BTAF1: variants seen among roughly 807,000 people sequenced by gnomAD.
The protein encoded by BTAF1 is B-TFIID TATA-box binding protein associated factor 1.
BTAF1 carries 38 observed loss-of-function variants against 227.1 expected under a neutral mutation model. The observed-to-expected ratio is 0.17, with a 90% CI of 0.13 to 0.22. BTAF1 has a LOEUF of 0.22. Among genes scored for constraint, BTAF1 ranks in the 10% least tolerant of loss-of-function variants. BTAF1 has a pLI of 1.00. For missense variants in BTAF1, 1,598 were observed against 2,204.0 expected, an observed-to-expected ratio of 0.73 and a Z score of 5.51; for synonymous variants, 742 against 751.9, an observed-to-expected ratio of 0.99 and a Z score of 0.21.
chr10:91,945,884 A>G (rs969634458), intron 4 of BTAF1, among the ~76,000 whole-genome samples: 2 of 152,156 alleles, frequency 1.3e-5, no homozygotes, highest in African/African-American at 4.8e-5. Flanking sequence ...CAGCTGCATC[A>G]TTTTACATTT....
At chr10:92,027,437 C>T in intron 37 of BTAF1, 137 bp downstream of exon 37, 1 of 747,408 alleles carries the variant, frequency 1.3e-6, no homozygotes, top group Non-Finnish European at 2.1e-6. Flanking sequence ...TTTTTGGTGC[C>T]TAGATAAATT....
rs1554860585 is a variant in BTAF1, at chr10:91,991,838, C to CACACACAT, written c.2855-280_2855-279insCACACATA. Reference sequence around the variant, plus strand: ...ATATATATATATATATATATACACACATATATACACACACAAACACATTAA... The same window carrying CACACACAT: ...ATATATATATATATATATATACACACACACACATATATATACACACACAAACACATTAA... On this transcript the variant is annotated intron_variant, in intron 20 of 37. Transcript: ENST00000265990. Among the ~76,000 whole-genome samples, 600 of 145,902 alleles carry CACACACAT rather than the reference C, an allele frequency of 4.1e-3. 4 individuals carry two copies. Among genetic ancestry groups the CACACACAT allele is most frequent in the African/African-American group, 0.015 (566 of 38,772 alleles).
chr10:91,939,865 TAAC>T lies in BTAF1; in HGVS notation c.139-84_139-82del, dbSNP rs1156943749. 4 of 765,970 alleles carry T rather than the reference TAAC, an allele frequency of 5.2e-6. No individual in the cohort carries two copies. In the Admixed American group the frequency reaches 7.3e-5, roughly 14 times the overall value. The allele number at this position is 765,970 out of a possible 1,614,324, so 47.4% of individuals were successfully genotyped here. ...GGATGGCTGCCAAATTACACATTAATAACAAGTAAATTTGTATTTCTCTGTTCT... is the reference window on the plus strand; with the variant it reads ...GGATGGCTGCCAAATTACACATTAATAAGTAAATTTGTATTTCTCTGTTCT... On this transcript the variant is annotated intron_variant, in intron 2 of 37. Coordinates refer to ENST00000265990, the MANE Select transcript of BTAF1 (RefSeq NM_003972.3).
chr10:91,993,900 A>G, intron 22 of BTAF1, 53 bp downstream of exon 22: 1 of 1,372,126 alleles, frequency 7.3e-7, no homozygotes, highest in Non-Finnish European at 9.8e-7. Context: ...ATGTCTATTA[A>G]TTGAATATAT....
At position 92,009,021 on chromosome 10, in the gene BTAF1, T is replaced by C; in HGVS notation, c.3936-20T>C. The C allele has an allele frequency of 6.2e-7, 1 of 1,612,732 alleles. No homozygotes were observed. The highest frequency in any genetic ancestry group is 8.5e-7 in the Non-Finnish European group (1 of 1,179,034). Reference sequence around the variant, plus strand: ...AATGTAAACAAGCTGGTTAATTTATTGTGTTTTGCTATTGTAAAGGGCCCA... The same window carrying C: ...AATGTAAACAAGCTGGTTAATTTATCGTGTTTTGCTATTGTAAAGGGCCCA... On this transcript the variant is annotated intron_variant, in intron 27 of 37. Transcript: ENST00000265990.
At chr10:91,935,600 A>G in intron 1 of BTAF1, 57 bp from the exon 2 acceptor site, 1 of 1,587,764 alleles carries the variant, frequency 6.3e-7, no homozygotes, top group Non-Finnish European at 8.6e-7. Context: ...ATTGACTTAA[A>G]CTTGTACATA....
intron 20 of BTAF1, among the ~76,000 whole-genome samples, chr10:91,991,286 A>T (rs1321719234): frequency 2.3e-5 from 3 of 131,012 alleles, no homozygotes; most frequent in Non-Finnish European, 5.0e-5. Flanking sequence ...ATATATATAT[A>T]TATATAAATT....
Position 91,924,029 on chromosome 10 carries a change from TGCGCGGCG to T in BTAF1, c.-47_-40del. On this transcript the variant is annotated 5_prime_UTR_variant, in exon 1 of 38. It removes the in-frame stop codon of an upstream open reading frame in the 5' UTR. Coordinates refer to ENST00000265990, the MANE Select transcript of BTAF1 (RefSeq NM_003972.3). ...GCTCTCTGGAAACTAGCGCCTCAGC[TGCGCGGCG>T]CGTAGGTCGCGGGGAGCTCCGAACC... The T allele has an allele frequency of 6.3e-7, 1 of 1,596,358 alleles. No individual in the cohort carries two copies. Among genetic ancestry groups the T allele is most frequent in the Non-Finnish European group, 8.5e-7 (1 of 1,173,888 alleles).
chr10:92,008,375 G>GA, intron 26 of BTAF1, 100 bp downstream of exon 26: 1 of 1,172,008 alleles, frequency 8.5e-7, no homozygotes, highest in South Asian at 1.7e-5. Flanking sequence ...ACAGAGTCTT[G>GA]CTCTGTTGCC....
At chr10:91,956,963 C>T (rs1458729427) in intron 7 of BTAF1, among the ~76,000 whole-genome samples, 3 of 151,948 alleles carry the variant, frequency 2.0e-5, no homozygotes, top group African/African-American at 7.3e-5. Context: ...GCACTCTAGC[C>T]TGGCCTACAG....
At chr10:91,935,885 T>G in intron 2 of BTAF1, 105 bp downstream of exon 2, 1 of 1,173,422 alleles carries the variant, frequency 8.5e-7, no homozygotes, top group South Asian at 2.3e-5. Context: ...TTAAACATTT[T>G]TGCTATTTCT....
chr10:91,956,340 T>C (rs1405657052), intron 6 of BTAF1, among the ~76,000 whole-genome samples, 188 bp from the exon 7 acceptor site: 1 of 152,220 alleles, frequency 6.6e-6, no homozygotes, highest in Non-Finnish European at 1.5e-5. Flanking sequence ...CAAAAAATTT[T>C]AAGCAGTTAG....
intron 14 of BTAF1, among the ~76,000 whole-genome samples, chr10:91,973,424 ATAAT>A (rs1475259807): frequency 2.0e-5 from 3 of 152,224 alleles, no homozygotes; most frequent in African/African-American, 2.4e-5. Flanking sequence ...TACTAAAAGA[ATAAT>A]TAGTAGTTCC....
chr10:91,932,336 T>C (rs1303954871), intron 1 of BTAF1, among the ~76,000 whole-genome samples: 1 of 152,198 alleles, frequency 6.6e-6, no homozygotes, highest in Non-Finnish European at 1.5e-5. Context: ...TACTGAAACA[T>C]TACATTACCA....
intron 33 of BTAF1, among the ~76,000 whole-genome samples, chr10:92,017,022 C>A (rs1429188112): frequency 6.6e-6 from 1 of 151,830 alleles, no homozygotes; most frequent in Non-Finnish European, 1.5e-5. Context: ...CTTTTTTATT[C>A]AAAAAATATT....
intron 32 of BTAF1, among the ~76,000 whole-genome samples, chr10:92,016,007 C>A (rs1850695580): frequency 6.6e-6 from 1 of 151,946 alleles, no homozygotes; most frequent in African/African-American, 2.4e-5. Flanking sequence ...TTTTTTAAGA[C>A]TCAATTTTTC....
chr10:91,984,988 A>AT lies in BTAF1; in HGVS notation c.2427+593dup, dbSNP rs201127398. On this transcript the variant is annotated intron_variant, in intron 19 of 37. Coordinates refer to ENST00000265990, the MANE Select transcript of BTAF1 (RefSeq NM_003972.3). ...ATTAACTAAAATTCAGTATTTGTTTATTTTTTTTTGCTGTTCTGAGGAAAA... is the reference window on the plus strand; with the variant it reads ...ATTAACTAAAATTCAGTATTTGTTTATTTTTTTTTTGCTGTTCTGAGGAAAA... Among the ~76,000 whole-genome samples the AT allele has an allele frequency of 1.1e-3, 167 of 150,904 alleles. 2 individuals carry two copies. In the East Asian group the frequency reaches 0.014, roughly 13 times the overall value.
rs557870271 is a variant in BTAF1, at chr10:91,943,516, C to G, written c.400+948C>G. On this transcript the variant is annotated intron_variant, in intron 4 of 37. Transcript: ENST00000265990. ...AACAAAACAGAATAACACTCTGTTG[C>G]TAATTAATCGTCATTTAGAGGCTTA... Among the ~76,000 whole-genome samples the G allele has an allele frequency of 2.0e-5, 3 of 152,168 alleles. No homozygotes were observed. In the South Asian group the frequency reaches 6.2e-4, roughly 32 times the overall value.
intron 6 of BTAF1, 152 bp from the exon 7 acceptor site, chr10:91,956,376 A>G: frequency 2.0e-6 from 2 of 1,003,804 alleles, no homozygotes; most frequent in Non-Finnish European, 2.8e-6. Context: ...GATTTTAAGT[A>G]AATCATATAA....
Sources: gnomAD v4.1 joint callset for allele counts (sites outside exome capture counted in the v4.1 genomes callset) on GRCh38, gnomAD v4.1.1 for gene constraint, MANE v1.5 for transcripts, NCBI Gene and HGNC (gene_info 2026-07-23, HGNC 2026-07-21) for gene names.